The following MLN variants were observed in gnomAD, a reference collection of about 807,000 sequenced individuals.
MLN encodes the protein motilin, also known as promotilin.
In MLN, 14 loss-of-function variants were observed where a neutral mutation model predicts 13.3. The observed-to-expected ratio is 1.05, with a 90% CI of 0.69 to 1.64. MLN has a LOEUF of 1.64. Among genes scored for constraint, MLN ranks in the 40% most tolerant of loss-of-function variants. The pLI is 0.00. For synonymous variants in MLN, 59 were observed against 54.7 expected (o/e 1.08, Z -0.34); for missense variants, 122 against 142.9 (o/e 0.85, Z 0.75).
At chr6:33,800,390 T>C (rs1232820107) in intron 2 of MLN, among the ~76,000 whole-genome samples, 1 of 152,198 alleles carries the variant, frequency 6.6e-6, no homozygotes, top group Non-Finnish European at 1.5e-5. Flanking sequence ...CTGAGTTCCA[T>C]GAGGCCTGCC....
At position 33,799,493 on chromosome 6, in the gene MLN, TTGTTAC is replaced by T. The variant is rs1470145103; in HGVS notation, c.118-278_118-273del. Reference sequence around the variant, plus strand: ...TTGTAGTTAAAACATTGCACCCAGATTGTTACTGTTAATTAACTTAAAAAGCTGAAA... The same window carrying T: ...TTGTAGTTAAAACATTGCACCCAGATTGTTAATTAACTTAAAAAGCTGAAA... On this transcript the variant is annotated intron_variant, in intron 2 of 4. Transcript: ENST00000430124. The surrounding 1 kb of genome is among the most constrained non-coding windows in gnomAD (Gnocchi z 4.6). Among the ~76,000 whole-genome samples the T allele has an allele frequency of 2.0e-5, 3 of 152,204 alleles. No individual in the cohort carries two copies. The highest frequency in any genetic ancestry group is 6.5e-5 in the Admixed American group (1 of 15,280).
intron 3 of MLN, among the ~76,000 whole-genome samples, chr6:33,797,004 C>T (rs548407065): frequency 6.6e-6 from 1 of 152,248 alleles, no homozygotes; most frequent in East Asian, 1.9e-4. Flanking sequence ...CAGCTCCCTC[C>T]TCAGGAGCCC....
chr6:33,803,692 C>G lies in MLN; in HGVS notation c.-8+261G>C, dbSNP rs889597262. Among the ~76,000 whole-genome samples the G allele has an allele frequency of 6.6e-6, 1 of 152,214 alleles. No individual in the cohort carries two copies. The highest frequency in any genetic ancestry group is 1.5e-5 in the Non-Finnish European group (1 of 68,040). On this transcript the variant is annotated intron_variant, in intron 1 of 4. Coordinates refer to ENST00000430124, the MANE Select transcript of MLN (RefSeq NM_002418.3). This position sits in a 1 kb window ranked among gnomAD's most constrained non-coding sequence, Gnocchi z 4.5. ...GCTCTGGCTTGGGTTCCCGGCCCACCGTGGATGTGCCAGACCCACCCACAA... is the reference window on the plus strand; with the variant it reads ...GCTCTGGCTTGGGTTCCCGGCCCACGGTGGATGTGCCAGACCCACCCACAA...
intron 1 of MLN, 94 bp from the exon 2 acceptor site, chr6:33,801,264 C>A: frequency 1.2e-6 from 1 of 860,044 alleles, no homozygotes. Context: ...GGCCCATGCC[C>A]TACCTCTAGC....
chr6:33,795,540 G>A lies in MLN; in HGVS notation c.300C>T (p.Thr100=). The change falls in exon 4 of 5, where the codon ACC becomes ACT. Residue 100 remains threonine, a synonymous_variant. Coordinates refer to ENST00000430124, the MANE Select transcript of MLN (RefSeq NM_002418.3). ...GCATCTCACTCAGCAGCCCTTCCAG[G>A]GTGGCCGGGTACTTTTCCAGCTGTC... ...NSRQLEKYPA[T]LEGLLSEMLP... is the part of the protein sequence containing the mutation. 1 of 1,567,080 alleles carries A rather than the reference G, an allele frequency of 6.4e-7. No homozygotes were observed. Among genetic ancestry groups the A allele is most frequent in the Non-Finnish European group, 8.7e-7 (1 of 1,154,402 alleles).
rs896138860 is a variant in MLN, at chr6:33,799,367, C to T, written c.118-146G>A. On this transcript the variant is annotated intron_variant, in intron 2 of 4. Transcript: ENST00000430124. This position sits in a 1 kb window ranked among gnomAD's most constrained non-coding sequence, Gnocchi z 4.6. The stretch of plus-strand genomic sequence containing the variant: ...CCCTTTCCTCCAGGAGCCTCCTGCA[C>T]GAGGAATCTCAGATACTAACTAGTG... 1.5e-5 allele frequency: 8 copies of T among 547,252 alleles called. No homozygotes were observed. Among genetic ancestry groups the T allele is most frequent in the South Asian group, 6.4e-5 (2 of 31,438 alleles). The allele number at this position is 547,252 out of a possible 1,614,324, so 33.9% of individuals were successfully genotyped here.
chr6:33,798,985 A>G (rs1018946819), intron 3 of MLN, 120 bp downstream of exon 3: 6 of 615,832 alleles, frequency 9.7e-6, no homozygotes, highest in Non-Finnish European at 1.4e-5. Context: ...TGTCTTGCTC[A>G]CTGCGATATC....
At chr6:33,800,083 C>T (rs1388695758) in intron 2 of MLN, among the ~76,000 whole-genome samples, 1 of 152,158 alleles carries the variant, frequency 6.6e-6, no homozygotes, top group Non-Finnish European at 1.5e-5. Context: ...AGCCTTGCCT[C>T]TAAAAAGAGC....
intron 1 of MLN, among the ~76,000 whole-genome samples, chr6:33,802,885 C>T (rs1156992490): frequency 6.6e-6 from 1 of 152,148 alleles, no homozygotes; most frequent in Non-Finnish European, 1.5e-5. Context: ...CTGCTTTTCC[C>T]CCCAGCAGAG....
At chr6:33,797,453 G>A (rs1032181593) in intron 3 of MLN, among the ~76,000 whole-genome samples, 14 of 152,134 alleles carry the variant, frequency 9.2e-5, no homozygotes, top group African/African-American at 2.9e-4. Flanking sequence ...AGAGCATCTC[G>A]GTTTTCAGGC....
rs1432783809 is a variant in MLN at position 33,803,057 on chromosome 6, G to T, written c.-8+896C>A. ...TCTCATTTTCTTGATCCAACTGGCA[G>T]TCGGCATGTCACCTACGTTCATGTG... On this transcript the variant is annotated intron_variant, in intron 1 of 4. Coordinates refer to ENST00000430124, the MANE Select transcript of MLN (RefSeq NM_002418.3). The surrounding 1 kb of genome is among the most constrained non-coding windows in gnomAD (Gnocchi z 4.5). Among the ~76,000 whole-genome samples the T allele has an allele frequency of 1.3e-5, 2 of 152,332 alleles. No individual in the cohort carries two copies. Among genetic ancestry groups the T allele is most frequent in the African/African-American group, 2.4e-5 (1 of 41,574 alleles).
chr6:33,802,037 T>C (rs1431429810), intron 1 of MLN, among the ~76,000 whole-genome samples: 2 of 151,894 alleles, frequency 1.3e-5, no homozygotes, highest in Non-Finnish European at 2.9e-5. Context: ...TGGGCAGACT[T>C]TGGGCAGGGA....
chr6:33,799,039 C>A lies in MLN; in HGVS notation c.234+66G>T. On this transcript the variant is annotated intron_variant, in intron 3 of 4. Coordinates refer to ENST00000430124, the MANE Select transcript of MLN (RefSeq NM_002418.3). This position sits in a 1 kb window ranked among gnomAD's most constrained non-coding sequence, Gnocchi z 4.6. ...CACTGTGGCTTGTGGGCTCTGCCTC[C>A]AGGCCAGGCAGGGGAATGCATGCCC... 1 of 1,179,064 alleles carries A rather than the reference C, an allele frequency of 8.5e-7. No homozygotes were observed. The highest frequency in any genetic ancestry group is 1.2e-6 in the Non-Finnish European group (1 of 804,016). 73.0% of individuals were successfully genotyped at this position (1,179,064 alleles called of 1,614,324 possible).
rs370251075 is a variant in MLN at position 33,803,813 on chromosome 6, C to G, written c.-8+140G>C. ...CTCACTGATGCCCTGGGAATCAGCG[C>G]GGGCACTCAGTGCGAAGCCCGGCTG... On this transcript the variant is annotated intron_variant, in intron 1 of 4. Transcript: ENST00000430124. The surrounding 1 kb of genome is among the most constrained non-coding windows in gnomAD (Gnocchi z 4.5). 1 of 152,440 alleles carries G rather than the reference C, an allele frequency of 6.6e-6. No homozygotes were observed. The highest frequency in any genetic ancestry group is 1.5e-5 in the Non-Finnish European group (1 of 68,226). 9.4% of individuals were successfully genotyped at this position (152,440 alleles called of 1,614,324 possible).
intron 3 of MLN, among the ~76,000 whole-genome samples, chr6:33,795,854 G>T (rs1168352560): frequency 6.6e-6 from 1 of 152,154 alleles, no homozygotes; most frequent in African/African-American, 2.4e-5. Context: ...GGGACAGGAG[G>T]GGTGGGGTCA....
chr6:33,801,212 C>A, intron 1 of MLN, 42 bp from the exon 2 acceptor site: 2 of 1,440,842 alleles, frequency 1.4e-6, no homozygotes, highest in South Asian at 2.3e-5. Context: ...GTTTGGGGTA[C>A]AGTGGCAGAC....
intron 3 of MLN, among the ~76,000 whole-genome samples, chr6:33,796,482 C>CCCGCT (rs1767926867): frequency 6.6e-6 from 1 of 152,212 alleles, no homozygotes; most frequent in South Asian, 2.1e-4. Flanking sequence ...TCTCCCCGTC[C>CCCGCT]CCGCTCCGCA....
Position 33,799,048 on chromosome 6 carries a change from C to A in MLN, c.234+57G>T. The A allele has an allele frequency of 7.9e-7, 1 of 1,262,846 alleles. No homozygotes were observed. The highest frequency in any genetic ancestry group is 1.1e-6 in the Non-Finnish European group (1 of 875,332). The allele number at this position is 1,262,846 out of a possible 1,614,324, so 78.2% of individuals were successfully genotyped here. A position where few individuals can be genotyped will look rare whatever the true frequency, so the allele number is the denominator to read the frequency against. On this transcript the variant is annotated intron_variant, in intron 3 of 4. Transcript: ENST00000430124. This position sits in a 1 kb window ranked among gnomAD's most constrained non-coding sequence, Gnocchi z 4.6. ...TTGTGGGCTCTGCCTCCAGGCCAGG[C>A]AGGGGAATGCATGCCCTGCTCTGAG... is the stretch of plus-strand genomic sequence containing the variant.
At chr6:33,796,958 G>A (rs1219608156) in intron 3 of MLN, among the ~76,000 whole-genome samples, 1 of 152,240 alleles carries the variant, frequency 6.6e-6, no homozygotes, top group East Asian at 1.9e-4. Flanking sequence ...GTGATTCTGA[G>A]TGTGCTCCCT....
Sources: allele counts gnomAD v4.1 joint callset (sites outside exome capture counted in the v4.1 genomes callset), GRCh38; gene constraint gnomAD v4.1.1; non-coding constraint Gnocchi (gnomAD v3.1); transcripts MANE v1.5; gene names NCBI Gene and HGNC (gene_info 2026-07-23, HGNC 2026-07-21).